Variants in GRM8 observed in about 807,000 individuals in gnomAD.
GRM8 encodes glutamate metabotropic receptor 8, also known as metabotropic glutamate receptor 8.
A neutral mutation model predicts 87.2 loss-of-function variants in GRM8; 47 were observed. That is an observed-to-expected ratio of 0.54 (90% CI 0.43 to 0.69). The LOEUF (loss-of-function observed/expected upper bound fraction) is 0.69. Ranked by LOEUF, GRM8 falls within the 30% of genes least tolerant of loss-of-function variation. The pLI is 0.00. For missense variants in GRM8, 1,019 were observed against 1,139.2 expected, an observed-to-expected ratio of 0.89 and a Z score of 1.52; for synonymous variants, 396 against 404.5, an observed-to-expected ratio of 0.98 and a Z score of 0.25.
intron 9 of GRM8, among the ~76,000 whole-genome samples, chr7:126,504,381 T>C (rs1330032772): frequency 6.6e-6 from 1 of 152,100 alleles, no homozygotes. Context: ...ATGTCCTTCC[T>C]TGAAAACATG....
intron 2 of GRM8, among the ~76,000 whole-genome samples, chr7:127,180,117 G>T (rs1160999804): frequency 6.6e-6 from 1 of 151,986 alleles, no homozygotes; most frequent in Non-Finnish European, 1.5e-5. Context: ...GATTAACCAA[G>T]AAAAGAAGAG....
At chr7:127,211,774 C>T (rs1186651099) in intron 2 of GRM8, among the ~76,000 whole-genome samples, 1 of 152,228 alleles carries the variant, frequency 6.6e-6, no homozygotes, top group African/African-American at 2.4e-5. Flanking sequence ...GTCTTTACCA[C>T]ACACCAAATC....
intron 7 of GRM8, among the ~76,000 whole-genome samples, chr7:126,760,453 C>T (rs947898710): frequency 1.3e-5 from 2 of 152,098 alleles, no homozygotes; most frequent in Non-Finnish European, 2.9e-5. Context: ...CAGTTTAACA[C>T]CTCACTCGGT....
chr7:127,077,613 G>A (rs1473422892), intron 3 of GRM8, among the ~76,000 whole-genome samples: 1 of 152,180 alleles, frequency 6.6e-6, no homozygotes, highest in East Asian at 1.9e-4. Context: ...GTGAATACGA[G>A]AGTATGAGAT....
chr7:126,625,708 G>A lies in GRM8; in HGVS notation c.1358-16210C>T, dbSNP rs1163293955. Among the ~76,000 whole-genome samples the A allele has an allele frequency of 3.3e-5, 5 of 152,076 alleles. No homozygotes were observed. In the East Asian group the frequency reaches 5.8e-4, roughly 18 times the overall value. ...AAAATAGGAAAAGACCCATTATTCT[G>A]TGATATGCATCTCAGGGAAGCAGAT... is the stretch of plus-strand genomic sequence containing the variant. On this transcript the variant is annotated intron_variant, in intron 7 of 10. Coordinates refer to ENST00000339582, the MANE Select transcript of GRM8 (RefSeq NM_000845.3).
chr7:126,770,059 T>C lies in GRM8; in HGVS notation c.1163A>G (p.Glu388Gly). 6.2e-7 allele frequency: 1 copy of C among 1,609,764 alleles called. No homozygotes were observed. Among genetic ancestry groups the C allele is most frequent in the Non-Finnish European group, 8.5e-7 (1 of 1,177,098 alleles). ...ATAAGATGAATCCCGAGCAATTCGC[T>C]CCAGCCCTGCAAAATAAAAAAGTAA... is the stretch of plus-strand genomic sequence containing the variant. ...NSHIKKCTGL[E>G]RIARDSSYEQ... Residue 388 changes from glutamate to glycine, a missense_variant, in exon 7 of 11, where the codon GAG becomes GGG. Glu to Gly is a moderately conservative substitution (Grantham distance 98). Coordinates refer to ENST00000339582, the MANE Select transcript of GRM8 (RefSeq NM_000845.3).
intron 7 of GRM8, among the ~76,000 whole-genome samples, chr7:126,752,645 T>C (rs1341249897): frequency 1.3e-5 from 2 of 152,114 alleles, no homozygotes; most frequent in Admixed American, 6.6e-5. Context: ...AATCATACTT[T>C]GAGAACTTCA....
At chr7:127,206,799 T>G (rs181621942) in intron 2 of GRM8, among the ~76,000 whole-genome samples, 1 of 152,316 alleles carries the variant, frequency 6.6e-6, no homozygotes, top group Non-Finnish European at 1.5e-5. Context: ...CTAAAGAGAT[T>G]GTCAGCAGGA....
At chr7:127,011,708 C>T (rs1814916370) in intron 3 of GRM8, among the ~76,000 whole-genome samples, 1 of 152,152 alleles carries the variant, frequency 6.6e-6, no homozygotes, top group South Asian at 2.1e-4. Flanking sequence ...ACCATATGTA[C>T]TCACATATCA....
At chr7:126,566,169 C>T (rs1794199277) in intron 8 of GRM8, among the ~76,000 whole-genome samples, 1 of 151,924 alleles carries the variant, frequency 6.6e-6, no homozygotes, top group Non-Finnish European at 1.5e-5. Flanking sequence ...GCGAAGAAAA[C>T]AAAAATAAAC....
intron 10 of GRM8, 24 bp from the exon 11 acceptor site, chr7:126,439,192 T>C: frequency 3.1e-6 from 4 of 1,279,306 alleles, no homozygotes; most frequent in Non-Finnish European, 4.6e-6. Flanking sequence ...TGAGGACAAA[T>C]TAAAATAGTA....
chr7:126,879,731 A>C (rs1281691118), intron 6 of GRM8, among the ~76,000 whole-genome samples: 1 of 152,190 alleles, frequency 6.6e-6, no homozygotes, highest in Non-Finnish European at 1.5e-5. Context: ...TATTATACTA[A>C]TTTTTTCACA....
At chr7:126,994,087 T>C (rs547902388) in intron 3 of GRM8, among the ~76,000 whole-genome samples, 16 of 152,268 alleles carry the variant, frequency 1.1e-4, no homozygotes, top group African/African-American at 3.6e-4. Flanking sequence ...TCCTTCCTTC[T>C]ACTTGAGGAG....
intron 7 of GRM8, among the ~76,000 whole-genome samples, chr7:126,620,763 T>C (rs1800074906): frequency 6.6e-6 from 1 of 152,236 alleles, no homozygotes; most frequent in Admixed American, 6.5e-5. Flanking sequence ...CTCATCATCT[T>C]CCATTCCTTT....
intron 2 of GRM8, chr7:127,118,282 G>A (rs1797326732): frequency 6.6e-6 from 1 of 152,124 alleles, no homozygotes; most frequent in African/African-American, 2.4e-5. Flanking sequence ...GGACATCATT[G>A]GTAACAGGAA....
At chr7:126,649,521 C>G (rs1401005538) in intron 7 of GRM8, among the ~76,000 whole-genome samples, 33 of 152,130 alleles carry the variant, frequency 2.2e-4, no homozygotes, top group Admixed American at 2.2e-3. Flanking sequence ...AGTTAATACT[C>G]TTTAATAAAC....
At chr7:126,493,333 A>C (rs1233988963) in intron 9 of GRM8, among the ~76,000 whole-genome samples, 1 of 152,018 alleles carries the variant, frequency 6.6e-6, no homozygotes, top group Non-Finnish European at 1.5e-5. Context: ...GTGGTGAGAG[A>C]GGGCAGAGTT....
chr7:127,149,860 A>C (rs1157933873), intron 2 of GRM8, among the ~76,000 whole-genome samples: 1 of 152,036 alleles, frequency 6.6e-6, no homozygotes, highest in Non-Finnish European at 1.5e-5. Context: ...GATAGAGAAC[A>C]AAACAGTGGT....
intron 2 of GRM8, chr7:127,229,059 C>T (rs908436672): frequency 4.6e-5 from 7 of 152,180 alleles, no homozygotes; most frequent in Non-Finnish European, 8.8e-5. Context: ...AAAAATTTAT[C>T]ACATACTATG....
Sources: allele counts gnomAD v4.1 joint callset (sites outside exome capture counted in the v4.1 genomes callset), GRCh38; gene constraint gnomAD v4.1.1; transcripts MANE v1.5; gene names NCBI Gene and HGNC (gene_info 2026-07-23, HGNC 2026-07-21).